The following TUBB4A variants were observed in gnomAD, a reference collection of about 807,000 sequenced individuals.
TUBB4A encodes tubulin beta 4A class IVa, also known as tubulin beta-4A chain.
In TUBB4A, 13 loss-of-function variants were observed where a neutral mutation model predicts 35.1. That is an observed-to-expected ratio of 0.37 (90% CI 0.24 to 0.59). The LOEUF (loss-of-function observed/expected upper bound fraction) is 0.59, where lower values mean the gene tolerates loss of function less well. Ranked by LOEUF, TUBB4A falls within the 20% of genes least tolerant of loss-of-function variation. TUBB4A has a pLI of 0.71. For synonymous variants in TUBB4A, 279 were observed against 272.4 expected (o/e 1.02, Z -0.24); for missense variants, 299 against 647.2 (o/e 0.46, Z 5.84).
intron 3 of TUBB4A, chr19:6,500,969 G>A (rs1426768558): frequency 2.2e-5 from 7 of 324,656 alleles, no homozygotes; most frequent in Non-Finnish European, 4.0e-5. Context: ...TATGCAGTGA[G>A]TGCTCACTGT....
At chr19:6,500,828 G>C (rs1337881397) in intron 3 of TUBB4A, 1 of 156,134 alleles carries the variant, frequency 6.4e-6, no homozygotes, top group African/African-American at 2.4e-5. Context: ...TCAACCCCTG[G>C]CAGAGCTTTA....
intron 3 of TUBB4A, among the ~76,000 whole-genome samples, chr19:6,498,210 C>A (rs1476731595): frequency 1.3e-3 from 177 of 139,258 alleles, no homozygotes; most frequent in African/African-American, 1.3e-3. Context: ...GACTTTGTCT[C>A]AAAAAAAAAA....
chr19:6,502,506 G>C (rs898481558), upstream of TUBB4A: 34 of 410,170 alleles, frequency 8.3e-5, no homozygotes, highest in Non-Finnish European at 1.3e-4. Context: ...CCCTGCCTTG[G>C]GGGTGAGGCC....
At position 6,501,489 on chromosome 19, in the gene TUBB4A, C is replaced by T. The variant is rs1459393341; in HGVS notation, c.166+26G>A. ...GTTCCCTCCCAGCTGCCCCTTCCCA[C>T]CTGGAAGGTGCCTCCTTCGCCCTAC... On this transcript the variant is annotated intron_variant, in intron 2 of 3. Transcript: ENST00000264071. This position sits in a 1 kb window ranked among gnomAD's most constrained non-coding sequence, Gnocchi z 4.2. 2 of 1,608,168 alleles carry T rather than the reference C, an allele frequency of 1.2e-6. No homozygotes were observed. Among genetic ancestry groups the T allele is most frequent in the South Asian group, 2.2e-5 (2 of 90,742 alleles).
intron 3 of TUBB4A, among the ~76,000 whole-genome samples, chr19:6,497,486 G>A (rs987712162): frequency 6.6e-6 from 1 of 151,614 alleles, no homozygotes; most frequent in African/African-American, 2.4e-5. Context: ...GGCTGTTCTT[G>A]AACTCCTGAG....
In TUBB4A at chr19:6,494,941, A is replaced by G; in HGVS notation, c.*223T>C. 1 of 608,964 alleles carries G rather than the reference A, an allele frequency of 1.6e-6. No individual in the cohort carries two copies. Among genetic ancestry groups the G allele is most frequent in the Non-Finnish European group, 2.9e-6 (1 of 349,600 alleles). The allele number at this position is 608,964 out of a possible 1,614,324, so 37.7% of individuals were successfully genotyped here. A position where few individuals can be genotyped will look rare whatever the true frequency, so the allele number is the denominator to read the frequency against. On this transcript the variant is annotated 3_prime_UTR_variant, in exon 4 of 4. Coordinates refer to ENST00000264071, the MANE Select transcript of TUBB4A (RefSeq NM_006087.4). ...AGCGGGGCTCCTCCTGGGAATGTCA[A>G]GGTTGGAAGAGCTCAAGGGGGTTAA...
chr19:6,495,136 G>C lies in TUBB4A; in HGVS notation c.*28C>G. On this transcript the variant is annotated 3_prime_UTR_variant, in exon 4 of 4. Transcript: ENST00000264071. This position sits in a 1 kb window ranked among gnomAD's most constrained non-coding sequence, Gnocchi z 8.7. ...CGGATCAAAGGTCAGAAGCCTCGAG[G>C]GGACAGGTGGGAAGCGATGGGAGCA... 1 of 1,610,470 alleles carries C rather than the reference G, an allele frequency of 6.2e-7. No homozygotes were observed. Among genetic ancestry groups the C allele is most frequent in the Non-Finnish European group, 8.5e-7 (1 of 1,177,444 alleles).
At chr19:6,500,911 G>A (rs771132164) in intron 3 of TUBB4A, 3 of 199,574 alleles carry the variant, frequency 1.5e-5, no homozygotes, top group Non-Finnish European at 2.1e-5. Flanking sequence ...AGGGAGCTCC[G>A]GCTGTTTGAT....
Position 6,501,733 on chromosome 19 carries a change from G to A in TUBB4A, c.58-110C>T. On this transcript the variant is annotated intron_variant, in intron 1 of 3. Transcript: ENST00000264071. This position sits in a 1 kb window ranked among gnomAD's most constrained non-coding sequence, Gnocchi z 4.2. ...CTAGCTGCCACCTCTCCCCCAGCAA[G>A]GTGAACGGGGGACCTAGAGGCATGG... The A allele has an allele frequency of 1.2e-6, 1 of 833,758 alleles. No individual in the cohort carries two copies. Among genetic ancestry groups the A allele is most frequent in the Non-Finnish European group, 1.9e-6 (1 of 515,666 alleles). 51.6% of individuals were successfully genotyped at this position (833,758 alleles called of 1,614,324 possible).
intron 3 of TUBB4A, among the ~76,000 whole-genome samples, chr19:6,499,627 C>T (rs537224055): frequency 2.0e-5 from 3 of 152,308 alleles, no homozygotes; most frequent in East Asian, 3.9e-4. Context: ...TATGCTGTTG[C>T]CTCCGTCTTA....
At chr19:6,502,047 G>A in intron 1 of TUBB4A, 109 bp downstream of exon 1, 1 of 1,255,448 alleles carries the variant, frequency 8.0e-7, no homozygotes, top group Non-Finnish European at 1.1e-6. Context: ...GGCCTCCTGG[G>A]GACCTCATTC....
intron 3 of TUBB4A, 126 bp from the exon 4 acceptor site, chr19:6,496,347 T>C (rs763095196): frequency 1.3e-4 from 122 of 939,012 alleles, no homozygotes; most frequent in Middle Eastern, 2.5e-4. Context: ...TAATAACAAA[T>C]AGCCGGGTGC....
chr19:6,495,679 T>C lies in TUBB4A; in HGVS notation c.820A>G (p.Thr274Ala). The part of the protein sequence containing the change: ...HFFMPGFAPL[T>A]SRGSQQYRAL... The stretch of plus-strand genomic sequence containing the variant: ...CGGTACTGCTGGCTGCCCCGGCTGG[T>C]CAGGGGTGCGAAGCCGGGCATGAAG... Residue 274 changes from threonine to alanine, a missense_variant, in exon 4 of 4, where the codon ACC becomes GCC. Physicochemically the swap from Thr to Ala is moderately conservative, Grantham distance 58. Around this residue, in one of 5 missense-constraint regions of TUBB4A, gnomAD observed 125 missense variants for 279.1 expected, o/e 0.45. Coordinates refer to ENST00000264071, the MANE Select transcript of TUBB4A (RefSeq NM_006087.4). This position sits in a 1 kb window ranked among gnomAD's most constrained non-coding sequence, Gnocchi z 8.7. 1.2e-5 allele frequency: 20 copies of C among 1,613,946 alleles called. No homozygotes were observed. Among genetic ancestry groups the C allele is most frequent in the Non-Finnish European group, 1.7e-5 (20 of 1,179,932 alleles).
rs1309786316 is a variant in TUBB4A, at chr19:6,501,932, A to G, written c.57+224T>C. Reference sequence around the variant, plus strand: ...GCCCAGCTGTGGGCCCAGCTGTGACAGGCGGACAGAAGGCTGGCTCCCACT... The same window carrying G: ...GCCCAGCTGTGGGCCCAGCTGTGACGGGCGGACAGAAGGCTGGCTCCCACT... On this transcript the variant is annotated intron_variant, in intron 1 of 3. Transcript: ENST00000264071. This position sits in a 1 kb window ranked among gnomAD's most constrained non-coding sequence, Gnocchi z 4.2. 3.4e-6 allele frequency: 2 copies of G among 589,668 alleles called. No individual in the cohort carries two copies. Among genetic ancestry groups the G allele is most frequent in the Non-Finnish European group, 5.9e-6 (2 of 338,328 alleles). The allele number at this position is 589,668 out of a possible 1,614,324, so 36.5% of individuals were successfully genotyped here. A position where few individuals can be genotyped will look rare whatever the true frequency, so the allele number is the denominator to read the frequency against.
rs531432761 is a variant in TUBB4A, at chr19:6,496,856, C to T, written c.278-635G>A. ...ATACACACAAAACACTCCCCCGCCC[C>T]CTGCCTAAAAAAAAACCAAGACTGG... On this transcript the variant is annotated intron_variant, in intron 3 of 3. Coordinates refer to ENST00000264071, the MANE Select transcript of TUBB4A (RefSeq NM_006087.4). 1.1e-4 allele frequency among the ~76,000 whole-genome samples: 16 copies of T among 146,146 alleles called. No individual in the cohort carries two copies. The South Asian group carries it at 2.4e-3, about 22-fold the overall frequency.
At chr19:6,499,000 T>A (rs976731831) in intron 3 of TUBB4A, among the ~76,000 whole-genome samples, 24 of 152,126 alleles carry the variant, frequency 1.6e-4, no homozygotes, top group African/African-American at 5.8e-4. Context: ...CTATGGCCTC[T>A]GGGTGGCCAG....
intron 3 of TUBB4A, among the ~76,000 whole-genome samples, chr19:6,497,689 T>C (rs1244830310): frequency 6.6e-6 from 1 of 151,206 alleles, no homozygotes; most frequent in Non-Finnish European, 1.5e-5. Flanking sequence ...AATCCAGCAC[T>C]TAGGGAGGCC....
At chr19:6,500,203 AT>A (rs1365861952) in intron 3 of TUBB4A, among the ~76,000 whole-genome samples, 1 of 152,078 alleles carries the variant, frequency 6.6e-6, no homozygotes, top group Non-Finnish European at 1.5e-5. Flanking sequence ...ATCATAGCTC[AT>A]GGCAGCCTCA....
chr19:6,495,146 G>A lies in TUBB4A; in HGVS notation c.*18C>T. The A allele has an allele frequency of 6.2e-7, 1 of 1,612,516 alleles. No homozygotes were observed. Among genetic ancestry groups the A allele is most frequent in the Non-Finnish European group, 8.5e-7 (1 of 1,178,912 alleles). On this transcript the variant is annotated 3_prime_UTR_variant, in exon 4 of 4. Coordinates refer to ENST00000264071, the MANE Select transcript of TUBB4A (RefSeq NM_006087.4). This position sits in a 1 kb window ranked among gnomAD's most constrained non-coding sequence, Gnocchi z 8.7. ...GTCAGAAGCCTCGAGGGGACAGGTG[G>A]GAAGCGATGGGAGCAGCCTAGGCCA...
Sources: gnomAD v4.1 joint callset for allele counts (sites outside exome capture counted in the v4.1 genomes callset) on GRCh38, gnomAD v4.1.1 for gene constraint, gnomAD v4.1.1 regional missense constraint, Gnocchi (gnomAD v3.1) non-coding constraint, MANE v1.5 for transcripts, NCBI Gene and HGNC (gene_info 2026-07-23, HGNC 2026-07-21) for gene names.